DIPK1A: variants seen among roughly 807,000 people sequenced by gnomAD.
DIPK1A encodes family with sequence similarity 69 member A.
In DIPK1A, 27 loss-of-function variants were observed where a neutral mutation model predicts 40.8. That is an observed-to-expected ratio of 0.66 (90% confidence interval 0.49 to 0.91). The LOEUF (loss-of-function observed/expected upper bound fraction) is 0.91, where lower values mean the gene tolerates loss of function less well. Ranked by LOEUF, DIPK1A falls within the 40% of genes least tolerant of loss-of-function variation. The pLI, the probability that DIPK1A is intolerant of heterozygous loss-of-function variation, is 0.00. For missense variants in DIPK1A, 412 were observed against 505.7 expected, an observed-to-expected ratio of 0.81 and a Z score of 1.78; for synonymous variants, 166 against 171.3, an observed-to-expected ratio of 0.97 and a Z score of 0.24.
At chr1:92,878,747 G>C (rs1448833177) in intron 1 of DIPK1A, among the ~76,000 whole-genome samples, 4 of 152,152 alleles carry the variant, frequency 2.6e-5, no homozygotes, top group Non-Finnish European at 5.9e-5. Context: ...GTGAACCCCG[G>C]GGGGCGGAGC....
chr1:92,933,579 A>G (rs955462100), intron 1 of DIPK1A: 10 of 152,208 alleles, frequency 6.6e-5, no homozygotes, highest in African/African-American at 2.4e-4. Flanking sequence ...TGAGGACATC[A>G]CTGATATCTT....
chr1:92,878,381 T>C lies in DIPK1A; in HGVS notation c.55-1951A>G, dbSNP rs148616890. 3.0e-3 allele frequency among the ~76,000 whole-genome samples: 460 copies of C among 152,184 alleles called. 3 individuals carry two copies. Among genetic ancestry groups the C allele is most frequent in the African/African-American group, 0.01 (426 of 41,528 alleles). ...ACAATATAGTGAGACATTGTCTCTA[T>C]GAAAAAATTTAAAAATTAGCCAAGG... On this transcript the variant is annotated intron_variant, in intron 1 of 4. Transcript: ENST00000370310.
At chr1:92,867,422 G>C (rs1647602545) in intron 2 of DIPK1A, among the ~76,000 whole-genome samples, 2 of 152,202 alleles carry the variant, frequency 1.3e-5, no homozygotes, top group African/African-American at 4.8e-5. Flanking sequence ...AATGGAGAGA[G>C]AGAGAAAAAG....
At chr1:92,917,731 CCCAA>C (rs1025793321) in intron 1 of DIPK1A, among the ~76,000 whole-genome samples, 44 of 152,114 alleles carry the variant, frequency 2.9e-4, no homozygotes, top group Non-Finnish European at 7.4e-5. Flanking sequence ...TAGAAGAATA[CCCAA>C]CCAGAGAGCT....
At chr1:92,934,430 G>GT (rs931078887) in intron 1 of DIPK1A, among the ~76,000 whole-genome samples, 8 of 151,312 alleles carry the variant, frequency 5.3e-5, no homozygotes, top group South Asian at 4.2e-4. Context: ...TTCCATAAAA[G>GT]TTTTTTTTTC....
chr1:92,919,213 T>C (rs1650178057), intron 1 of DIPK1A, among the ~76,000 whole-genome samples: 3 of 152,262 alleles, frequency 2.0e-5, no homozygotes, highest in African/African-American at 7.2e-5. Flanking sequence ...CACGGCTTCA[T>C]GTTTGGATTA....
chr1:92,837,347 G>A (rs371558666), downstream of DIPK1A: 9 of 932,342 alleles, frequency 9.7e-6, no homozygotes, highest in East Asian at 2.4e-5. Context: ...GGTTGCATAT[G>A]ATGCGATAAT....
downstream of DIPK1A, chr1:92,841,894 A>C (rs1451101405): frequency 3.9e-6 from 6 of 1,525,220 alleles, no homozygotes; most frequent in African/African-American, 8.2e-5. Context: ...ATTTTTTCAG[A>C]TATAGATAAT....
At chr1:92,844,267 C>T (rs1312904438) in intron 4 of DIPK1A, 72 bp from the exon 5 acceptor site, 5 of 926,478 alleles carry the variant, frequency 5.4e-6, no homozygotes, top group Non-Finnish European at 8.2e-6. Context: ...AGTTTCTTTA[C>T]GGGCATTATT....
chr1:92,857,165 T>C (rs918349561), intron 2 of DIPK1A, among the ~76,000 whole-genome samples: 4 of 152,112 alleles, frequency 2.6e-5, no homozygotes, highest in African/African-American at 9.7e-5. Context: ...TTCAAGATGG[T>C]GATTCCTCTA....
At chr1:92,835,520 CATG>C (rs1159652940) in intron 4 of DIPK1A, among the ~76,000 whole-genome samples, 4 of 151,170 alleles carry the variant, frequency 2.6e-5, no homozygotes, top group African/African-American at 9.7e-5. Flanking sequence ...AAAAGCCAGG[CATG>C]ATGGTGTGTG....
At chr1:92,914,052 G>A (rs1021773931) in intron 1 of DIPK1A, among the ~76,000 whole-genome samples, 2 of 151,868 alleles carry the variant, frequency 1.3e-5, no homozygotes, top group South Asian at 2.1e-4. Context: ...CTCCATCACT[G>A]CAATTTCTTT....
At chr1:92,861,618 C>A (rs757027543) in intron 2 of DIPK1A, among the ~76,000 whole-genome samples, 3 of 151,958 alleles carry the variant, frequency 2.0e-5, no homozygotes, top group African/African-American at 4.8e-5. Flanking sequence ...TGAGCTGCTG[C>A]GCTCAGCCAA....
chr1:92,908,888 T>TG (rs1447305734), intron 1 of DIPK1A, among the ~76,000 whole-genome samples: 1 of 151,912 alleles, frequency 6.6e-6, no homozygotes, highest in Non-Finnish European at 1.5e-5. Context: ...CATCTGAGGG[T>TG]GGGGAGGTGG....
intron 4 of DIPK1A, chr1:92,836,391 A>G: frequency 1.9e-6 from 3 of 1,613,936 alleles, no homozygotes; most frequent in East Asian, 2.2e-5. Flanking sequence ...TATCCCTCAC[A>G]GGTAAGAATA....
chr1:92,836,100 C>A, intron 4 of DIPK1A: 1 of 1,211,640 alleles, frequency 8.3e-7, no homozygotes, highest in Non-Finnish European at 1.2e-6. Flanking sequence ...TTCCAGATGT[C>A]AGTGGTCCTT....
intron 4 of DIPK1A, chr1:92,836,431 G>T (rs1329875781): frequency 1.3e-6 from 2 of 1,572,620 alleles, no homozygotes; most frequent in Non-Finnish European, 1.8e-6. Context: ...CTGGACCGTG[G>T]TACTTCCCTG....
At chr1:92,906,175 C>T (rs1399851487) in intron 1 of DIPK1A, among the ~76,000 whole-genome samples, 1 of 151,936 alleles carries the variant, frequency 6.6e-6, no homozygotes, top group Non-Finnish European at 1.5e-5. Flanking sequence ...AAAAATTATA[C>T]CAAAGAACAA....
At chr1:92,837,392 T>C (rs371345041), downstream of DIPK1A, 77 of 1,421,024 alleles carry the variant, frequency 5.4e-5, no homozygotes, top group Non-Finnish European at 7.3e-5. Context: ...GCTACTAAAG[T>C]AAATTCTTAC....
Sources: gnomAD v4.1 joint callset for allele counts (sites outside exome capture counted in the v4.1 genomes callset) on GRCh38, gnomAD v4.1.1 for gene constraint, MANE v1.5 for transcripts, NCBI Gene and HGNC (gene_info 2026-07-23, HGNC 2026-07-21) for gene names.